TBC1D14: variants seen among roughly 807,000 people sequenced by gnomAD.
The protein encoded by TBC1D14 is TBC1 domain family, member 14.
In TBC1D14, 26 loss-of-function variants were observed where a neutral mutation model predicts 79.0. The ratio of observed to expected loss-of-function variants is 0.33; its 90% CI spans 0.24 to 0.46. The LOEUF (loss-of-function observed/expected upper bound fraction) is 0.46, where lower values mean the gene tolerates loss of function less well. TBC1D14 is among the 20% of genes least tolerant of loss of function. The pLI is 1.00. For missense variants in TBC1D14, 769 were observed against 887.6 expected (o/e 0.87, Z 1.70); for synonymous variants, 394 against 349.9 (o/e 1.13, Z -1.40).
chr4:6,935,719 A>G (rs553370128), intron 2 of TBC1D14, among the ~76,000 whole-genome samples: 151 of 150,470 alleles, frequency 1.0e-3, no homozygotes, highest in Non-Finnish European at 1.7e-3. Context: ...TCTCGGCTCA[A>G]TGCAGTCTCT....
intron 2 of TBC1D14, among the ~76,000 whole-genome samples, chr4:6,965,297 A>G (rs961581121): frequency 1.3e-5 from 2 of 152,096 alleles, no homozygotes; most frequent in Non-Finnish European, 2.9e-5. Context: ...AGCTGGGATT[A>G]CAGGCATGAG....
At chr4:6,987,445 C>T (rs186433533) in intron 3 of TBC1D14, 7 of 1,173,786 alleles carry the variant, frequency 6.0e-6, no homozygotes, top group African/African-American at 1.6e-5. Context: ...CCTGCGGCCC[C>T]GCGCAGGTGG....
intron 13 of TBC1D14, among the ~76,000 whole-genome samples, chr4:7,027,419 C>G (rs12646627): frequency 7.6e-6 from 1 of 132,014 alleles, no homozygotes; most frequent in Non-Finnish European, 1.6e-5. Context: ...CCCCACACAC[C>G]TACACATACA....
chr4:6,992,408 A>G (rs1340538675), intron 3 of TBC1D14, among the ~76,000 whole-genome samples: 2 of 152,204 alleles, frequency 1.3e-5, no homozygotes, highest in Non-Finnish European at 2.9e-5. Context: ...CAGGCAAGTC[A>G]CTTCACTTTG....
chr4:6,923,272 T>A, intron 1 of TBC1D14, 101 bp from the exon 2 acceptor site: 1 of 1,346,248 alleles, frequency 7.4e-7, no homozygotes, highest in Non-Finnish European at 1.0e-6. Flanking sequence ...TTTCAAGGCT[T>A]TCTCCCTTAA....
At chr4:6,980,350 G>A (rs1006938364) in intron 3 of TBC1D14, among the ~76,000 whole-genome samples, 9 of 152,088 alleles carry the variant, frequency 5.9e-5, no homozygotes, top group South Asian at 4.2e-4. Context: ...TGAAGCGAAC[G>A]AGAACACAAC....
At chr4:6,951,150 C>G (rs1450502272) in intron 2 of TBC1D14, among the ~76,000 whole-genome samples, 2 of 151,986 alleles carry the variant, frequency 1.3e-5, no homozygotes, top group African/African-American at 4.8e-5. Flanking sequence ...AAATTAGCCG[C>G]GTGTAGTGGC....
intron 2 of TBC1D14, among the ~76,000 whole-genome samples, chr4:6,958,808 G>A (rs971901914): frequency 1.3e-5 from 2 of 152,086 alleles, no homozygotes; most frequent in Non-Finnish European, 2.9e-5. Context: ...CTCGAAAGCC[G>A]GACACTCCTC....
chr4:6,947,060 C>T (rs1234479816), intron 2 of TBC1D14, among the ~76,000 whole-genome samples: 1 of 152,156 alleles, frequency 6.6e-6, no homozygotes, highest in African/African-American at 2.4e-5. Context: ...CTCTCTCTCT[C>T]CTTGTAAAAA....
chr4:6,917,142 G>A (rs745766243), intron 1 of TBC1D14, among the ~76,000 whole-genome samples: 18 of 152,204 alleles, frequency 1.2e-4, no homozygotes, highest in Non-Finnish European at 2.4e-4. Context: ...AGCTCTCACC[G>A]AGTTCTTGGA....
chr4:7,008,959 T>C (rs1720486129), intron 9 of TBC1D14, among the ~76,000 whole-genome samples: 1 of 152,236 alleles, frequency 6.6e-6, no homozygotes, highest in Non-Finnish European at 1.5e-5. Context: ...GCCTGGATGC[T>C]GGCATTTTTA....
intron 3 of TBC1D14, among the ~76,000 whole-genome samples, chr4:6,978,738 T>TAA (rs59534721): frequency 0.12 from 12,767 of 108,200 alleles, 769 homozygotes; most frequent in Middle Eastern, 0.26. Flanking sequence ...AATGATCAAT[T>TAA]AAAAAAAAAA....
chr4:7,011,469 C>T (rs1007208968), intron 11 of TBC1D14, among the ~76,000 whole-genome samples: 5 of 152,138 alleles, frequency 3.3e-5, no homozygotes, highest in South Asian at 4.1e-4. Flanking sequence ...GATTTGAATC[C>T]GTTCTGGTTC....
intron 3 of TBC1D14, chr4:6,987,181 G>A (rs964194453): frequency 7.1e-5 from 86 of 1,216,566 alleles, no homozygotes; most frequent in Non-Finnish European, 2.1e-5. Flanking sequence ...TCGCCTCGCT[G>A]TGTCTGCGCG....
At chr4:6,980,383 G>A (rs991374713) in intron 3 of TBC1D14, among the ~76,000 whole-genome samples, 3 of 152,164 alleles carry the variant, frequency 2.0e-5, no homozygotes, top group African/African-American at 7.2e-5. Flanking sequence ...GTAGGTTGCA[G>A]TGCTTAGAGG....
chr4:6,980,006 A>G (rs1717222335), intron 3 of TBC1D14, among the ~76,000 whole-genome samples: 1 of 152,246 alleles, frequency 6.6e-6, no homozygotes, highest in Non-Finnish European at 1.5e-5. Context: ...AGAACTGTAG[A>G]CAGAATCAGC....
chr4:6,934,081 G>A (rs1460746393), intron 2 of TBC1D14, among the ~76,000 whole-genome samples: 4 of 152,176 alleles, frequency 2.6e-5, no homozygotes, highest in African/African-American at 9.7e-5. Context: ...GGTGGAGTAG[G>A]TGACTAGAGA....
chr4:6,938,103 T>A (rs919584123), intron 2 of TBC1D14, among the ~76,000 whole-genome samples: 1 of 152,124 alleles, frequency 6.6e-6, no homozygotes, highest in African/African-American at 2.4e-5. Flanking sequence ...GGCGCTACTT[T>A]GCTGGGCTGG....
intron 3 of TBC1D14, 31 bp downstream of exon 3, chr4:6,967,455 C>T (rs1464317823): frequency 1.9e-6 from 3 of 1,606,106 alleles, no homozygotes; most frequent in East Asian, 2.2e-5. Flanking sequence ...CAGAAATAGG[C>T]TGTTGGATGT....
Sources: gnomAD v4.1 joint callset for allele counts (sites outside exome capture counted in the v4.1 genomes callset) on GRCh38, gnomAD v4.1.1 for gene constraint, MANE v1.5 for transcripts, NCBI Gene and HGNC (gene_info 2026-07-23, HGNC 2026-07-21) for gene names.